RPS24: variants seen among roughly 807,000 people sequenced by gnomAD.
RPS24 encodes small ribosomal subunit protein eS24.
For missense variants in RPS24, 100 were observed against 162.5 expected, an observed-to-expected ratio of 0.62 and a Z score of 2.09; for synonymous variants, 72 against 55.6, an observed-to-expected ratio of 1.30 and a Z score of -1.31.
At chr10:78,038,680 CTT>C (rs1206062199) in intron 4 of RPS24, 1 of 151,968 alleles carries the variant, frequency 6.6e-6, no homozygotes, top group Non-Finnish European at 1.5e-5. Context: ...GACAGGGTCT[CTT>C]GTCACCCAGG....
At chr10:78,042,516 CA>C (rs1278825327), downstream of RPS24, among the ~76,000 whole-genome samples, 2 of 152,212 alleles carry the variant, frequency 1.3e-5, no homozygotes, top group Admixed American at 6.5e-5. Flanking sequence ...TGTGGGAACT[CA>C]AACTGTGGAC....
exon 5 of RPS24, chr10:78,056,715 C>G (rs1848152204): frequency 6.6e-6 from 1 of 152,226 alleles, no homozygotes. Context: ...GAGAGAACAG[C>G]AGGGAAACAG....
At chr10:78,055,202 C>A in exon 5 of RPS24, 1 of 919,318 alleles carries the variant, frequency 1.1e-6, no homozygotes, top group Non-Finnish European at 1.4e-6. Context: ...CACAATCCCC[C>A]ACGACCTGGC....
At chr10:78,053,515 C>T (rs1589337012) in intron 4 of RPS24, among the ~76,000 whole-genome samples, 2 of 152,168 alleles carry the variant, frequency 1.3e-5, no homozygotes, top group Non-Finnish European at 2.9e-5. Context: ...TTATGTGGCC[C>T]GTTTCCTTGG....
At chr10:78,040,594 C>A (rs752315488) in intron 5 of RPS24, 21 bp from the exon 6 acceptor site, 17 of 1,597,994 alleles carry the variant, frequency 1.1e-5, no homozygotes, top group Middle Eastern at 3.3e-4. Flanking sequence ...GTTGACTAAA[C>A]TTCTTTCTCT....
chr10:78,054,958 A>G (rs1259356772), exon 5 of RPS24: 1 of 1,489,020 alleles, frequency 6.7e-7, no homozygotes, highest in East Asian at 2.5e-5. Flanking sequence ...GAAATCCACC[A>G]GGAATCCAGC....
At chr10:78,054,672 A>C (rs1848133062) in exon 5 of RPS24, 14 of 1,551,554 alleles carry the variant, frequency 9.0e-6, no homozygotes, top group Non-Finnish European at 1.2e-5. Flanking sequence ...GAGCGTGTGG[A>C]CATGTGGCAG....
intron 2 of RPS24, 25 bp from the exon 3 acceptor site, chr10:78,035,486 T>G (rs1847844464): frequency 1.2e-6 from 2 of 1,613,470 alleles, no homozygotes; most frequent in Non-Finnish European, 1.7e-6. Flanking sequence ...TCATACTGAA[T>G]GCTAAACTTG....
chr10:78,054,091 C>T (rs561536417), intron 4 of RPS24, among the ~76,000 whole-genome samples: 2 of 152,198 alleles, frequency 1.3e-5, no homozygotes, highest in Admixed American at 6.5e-5. Flanking sequence ...GCCTAGGGTG[C>T]TCCTCAAGAT....
chr10:78,054,767 C>G (rs1288453823), exon 5 of RPS24: 3 of 1,551,656 alleles, frequency 1.9e-6, no homozygotes, highest in Non-Finnish European at 2.6e-6. Context: ...GCCAGGCGTG[C>G]CTTTTGGAGA....
intron 4 of RPS24, chr10:78,037,508 C>G (rs1349433136): frequency 1.3e-6 from 1 of 747,644 alleles, no homozygotes; most frequent in African/African-American, 1.8e-5. Context: ...TTGGCCCACC[C>G]CTTGTCAGCT....
intron 3 of RPS24, 34 bp from the exon 4 acceptor site, chr10:78,037,160 A>G (rs1419917334): frequency 2.5e-6 from 4 of 1,576,338 alleles, no homozygotes; most frequent in Non-Finnish European, 3.4e-6. Context: ...TTTAATGTTT[A>G]CAAGTCACCT....
Position 78,052,095 on chromosome 10 carries a change from G to A in RPS24, c.391-2436G>A, listed in dbSNP as rs573623057. ...GGCTGGAGTACAGTGGCTTGATCTCGGCTCACTGCAACCTCTGCCTCCCAG... is the reference window on the plus strand; with the variant it reads ...GGCTGGAGTACAGTGGCTTGATCTCAGCTCACTGCAACCTCTGCCTCCCAG... On this transcript the variant is annotated intron_variant, in intron 4 of 4. Coordinates refer to the RPS24 transcript ENST00000440692. Among the ~76,000 whole-genome samples, 504 of 151,976 alleles carry A rather than the reference G, an allele frequency of 3.3e-3. 2 individuals are homozygous for A. Among genetic ancestry groups the A allele is most frequent in the Non-Finnish European group, 5.6e-3 (382 of 67,966 alleles).
chr10:78,051,758 T>A (rs1271147737), intron 4 of RPS24, among the ~76,000 whole-genome samples: 2 of 152,222 alleles, frequency 1.3e-5, no homozygotes, highest in Non-Finnish European at 2.9e-5. Context: ...GCCATGCAAG[T>A]AGGTATGAAG....
At chr10:78,046,546 G>A (rs1447600072) in intron 4 of RPS24, among the ~76,000 whole-genome samples, 3 of 151,744 alleles carry the variant, frequency 2.0e-5, no homozygotes, top group Non-Finnish European at 4.4e-5. Flanking sequence ...GTAGAGACAG[G>A]GTTTCTCCAT....
chr10:78,047,777 T>C (rs115753394), intron 4 of RPS24, among the ~76,000 whole-genome samples: 45 of 152,270 alleles, frequency 3.0e-4, no homozygotes, highest in African/African-American at 8.7e-4. Context: ...GCGGTTTCTA[T>C]TGGGGGAGGT....
intron 4 of RPS24, 133 bp downstream of exon 4, chr10:78,037,437 A>G (rs1847896729): frequency 1.4e-6 from 2 of 1,398,480 alleles, no homozygotes; most frequent in South Asian, 1.5e-5. Context: ...TCTGGATTAC[A>G]GAAGGTAACA....
exon 5 of RPS24, chr10:78,056,042 T>A (rs1415967896): frequency 6.6e-6 from 1 of 152,530 alleles, no homozygotes; most frequent in Non-Finnish European, 1.5e-5. Context: ...TGAGCCACCG[T>A]GCCTGGCTGG....
chr10:78,036,683 T>C (rs1847875994), intron 3 of RPS24, among the ~76,000 whole-genome samples: 1 of 152,152 alleles, frequency 6.6e-6, no homozygotes, highest in African/African-American at 2.4e-5. Context: ...GAGATCCTTG[T>C]AAAGATTTGG....
Sources: allele counts gnomAD v4.1 joint callset (sites outside exome capture counted in the v4.1 genomes callset), GRCh38; gene constraint gnomAD v4.1.1; transcripts MANE v1.5; gene names NCBI Gene and HGNC (gene_info 2026-07-23, HGNC 2026-07-21).